The following TNIK variants were observed in gnomAD, a reference collection of about 807,000 sequenced individuals.
TNIK encodes TRAF2 and NCK-interacting protein kinase.
Under a neutral mutation model 191.3 loss-of-function variants are expected in TNIK, and 49 were observed. The observed-to-expected ratio is 0.26, with a 90% CI of 0.20 to 0.32. The LOEUF is 0.32. Among genes scored for constraint, TNIK ranks in the 10% least tolerant of loss-of-function variants. The pLI is 1.00. For synonymous variants in TNIK, 594 were observed against 600.9 expected (o/e 0.99, Z 0.17); for missense variants, 1,155 against 1,702.3 (o/e 0.68, Z 5.66).
chr3:171,394,255 C>T (rs776550229), intron 1 of TNIK, among the ~76,000 whole-genome samples: 2 of 152,212 alleles, frequency 1.3e-5, no homozygotes, highest in Non-Finnish European at 2.9e-5. Context: ...ACACTGGCAG[C>T]TCATCTCCCC....
chr3:171,313,993 C>G (rs1388306864), intron 2 of TNIK, among the ~76,000 whole-genome samples: 1 of 152,098 alleles, frequency 6.6e-6, no homozygotes, highest in African/African-American at 2.4e-5. Flanking sequence ...AAGGCAGAGA[C>G]CAGCGCTAAT....
chr3:171,384,881 T>C (rs1718529443), intron 1 of TNIK, among the ~76,000 whole-genome samples: 1 of 152,232 alleles, frequency 6.6e-6, no homozygotes, highest in South Asian at 2.1e-4. Context: ...CTTTGGTGTC[T>C]TTTCCTATCA....
intron 2 of TNIK, among the ~76,000 whole-genome samples, chr3:171,248,204 A>G (rs1745826092): frequency 6.6e-6 from 1 of 152,196 alleles, no homozygotes; most frequent in African/African-American, 2.4e-5. Context: ...TTTTTCTAAA[A>G]GGCATAGAAG....
At chr3:171,297,109 C>T (rs559857071) in intron 2 of TNIK, among the ~76,000 whole-genome samples, 7 of 152,082 alleles carry the variant, frequency 4.6e-5, no homozygotes, top group Non-Finnish European at 8.8e-5. Context: ...AATTTGGTGT[C>T]GTTTTCAGTG....
intron 2 of TNIK, among the ~76,000 whole-genome samples, chr3:171,365,706 C>T (rs1374339132): frequency 1.4e-4 from 21 of 152,122 alleles, no homozygotes; most frequent in Non-Finnish European, 1.5e-5. Context: ...GCAGAGAACT[C>T]AGAATGAGGA....
chr3:171,411,114 G>A (rs1390165258), intron 1 of TNIK, among the ~76,000 whole-genome samples: 1 of 151,520 alleles, frequency 6.6e-6, no homozygotes, highest in African/African-American at 2.4e-5. Context: ...TGTCACCCAG[G>A]CTGGAGTGCA....
chr3:171,282,786 CT>C (rs1202226889), intron 2 of TNIK, among the ~76,000 whole-genome samples: 1 of 152,182 alleles, frequency 6.6e-6, no homozygotes, highest in African/African-American at 2.4e-5. Flanking sequence ...AAACTATTTT[CT>C]ATTCTCAAGA....
chr3:171,383,200 G>T (rs1472129167), intron 1 of TNIK, among the ~76,000 whole-genome samples: 1 of 152,146 alleles, frequency 6.6e-6, no homozygotes, highest in African/African-American at 2.4e-5. Flanking sequence ...CAGGGGGCAA[G>T]GAAAGACCAG....
At chr3:171,445,894 G>A (rs1324666280) in intron 1 of TNIK, among the ~76,000 whole-genome samples, 2 of 152,148 alleles carry the variant, frequency 1.3e-5, no homozygotes, top group African/African-American at 4.8e-5. Flanking sequence ...CTGAAGCCAG[G>A]GCATGAAATG....
chr3:171,288,536 C>CAT (rs1751304107), intron 2 of TNIK, among the ~76,000 whole-genome samples: 1 of 150,894 alleles, frequency 6.6e-6, no homozygotes, highest in African/African-American at 2.4e-5. Flanking sequence ...TGGCCGAGTG[C>CAT]GGTGGCTCAC....
chr3:171,191,600 T>C (rs1259774876), intron 5 of TNIK, among the ~76,000 whole-genome samples: 2 of 152,254 alleles, frequency 1.3e-5, no homozygotes, highest in Non-Finnish European at 1.5e-5. Context: ...AAATTTCCCA[T>C]TGGCTTTACC....
At chr3:171,104,928 T>C (rs1724479423) in intron 21 of TNIK, among the ~76,000 whole-genome samples, 1 of 149,820 alleles carries the variant, frequency 6.7e-6, no homozygotes, top group African/African-American at 2.5e-5. Flanking sequence ...CTTACGTGTA[T>C]AATCTTTGTG....
chr3:171,092,258 T>C lies in TNIK; in HGVS notation c.2721+1581A>G, dbSNP rs1198019146. ...CCACCGCGCCCGGCTGCAAATGCTG[T>C]TTTCAAAGTGACAGGTTGTGGTCAT... On this transcript the variant is annotated intron_variant, in intron 23 of 32. Coordinates refer to ENST00000436636, the MANE Select transcript of TNIK (RefSeq NM_015028.4). Among the ~76,000 whole-genome samples the C allele has an allele frequency of 2.0e-5, 3 of 152,214 alleles. No homozygotes were observed. In the East Asian group the frequency reaches 5.8e-4, roughly 29 times the overall value.
At chr3:171,237,471 A>C (rs747548118) in intron 2 of TNIK, among the ~76,000 whole-genome samples, 1 of 151,892 alleles carries the variant, frequency 6.6e-6, no homozygotes, top group Non-Finnish European at 1.5e-5. Flanking sequence ...AAATTTAGTG[A>C]GCAACTTACT....
intron 2 of TNIK, among the ~76,000 whole-genome samples, chr3:171,241,496 T>C (rs1056112472): frequency 6.6e-6 from 1 of 152,220 alleles, no homozygotes; most frequent in Non-Finnish European, 1.5e-5. Context: ...TGTCTCTCTC[T>C]TTTAAAATTC....
chr3:171,284,451 A>T (rs552788746), intron 2 of TNIK, among the ~76,000 whole-genome samples: 2 of 152,136 alleles, frequency 1.3e-5, no homozygotes, highest in Non-Finnish European at 2.9e-5. Context: ...AAAACAAATT[A>T]CTGATAAATC....
intron 2 of TNIK, among the ~76,000 whole-genome samples, chr3:171,328,480 G>C (rs922158099): frequency 1.3e-5 from 2 of 152,202 alleles, no homozygotes; most frequent in East Asian, 3.8e-4. Context: ...TATTTCTGCA[G>C]ACACACAGTT....
At chr3:171,167,726 C>G (rs1456484446) in intron 9 of TNIK, among the ~76,000 whole-genome samples, 1 of 152,064 alleles carries the variant, frequency 6.6e-6, no homozygotes, top group Non-Finnish European at 1.5e-5. Flanking sequence ...TGTTGGGGGA[C>G]ACTGAGGTGA....
At chr3:171,247,576 A>G (rs1228802312) in intron 2 of TNIK, among the ~76,000 whole-genome samples, 2 of 152,080 alleles carry the variant, frequency 1.3e-5, no homozygotes, top group Non-Finnish European at 2.9e-5. Context: ...CCATTAGTCC[A>G]GTGGAGAAGA....
Sources: allele counts gnomAD v4.1 joint callset (sites outside exome capture counted in the v4.1 genomes callset), GRCh38; gene constraint gnomAD v4.1.1; transcripts MANE v1.5; gene names NCBI Gene and HGNC (gene_info 2026-07-23, HGNC 2026-07-21).